Variants in HMGCS2 observed in about 807,000 individuals in gnomAD.
The protein encoded by HMGCS2 is hydroxymethylglutaryl-CoA synthase, mitochondrial.
A neutral mutation model predicts 57.4 loss-of-function variants in HMGCS2; 50 were observed. The ratio of observed to expected loss-of-function variants is 0.87; its 90% CI spans 0.69 to 1.10. The LOEUF (loss-of-function observed/expected upper bound fraction) is 1.10. HMGCS2 is among the 50% of genes least tolerant of loss of function. The pLI, the probability that HMGCS2 is intolerant of heterozygous loss-of-function variation, is 0.00. For synonymous variants in HMGCS2, 254 were observed against 245.1 expected (o/e 1.04, Z -0.34); for missense variants, 627 against 636.5 (o/e 0.99, Z 0.16).
chr1:119,760,246 A>T (rs912498186), intron 2 of HMGCS2, among the ~76,000 whole-genome samples: 8 of 152,196 alleles, frequency 5.3e-5, no homozygotes, highest in African/African-American at 1.9e-4. Context: ...AAAATGTGTT[A>T]ATTCGCACTT....
intron 5 of HMGCS2, among the ~76,000 whole-genome samples, chr1:119,756,161 C>T (rs775517853): frequency 6.6e-6 from 1 of 152,132 alleles, no homozygotes; most frequent in Non-Finnish European, 1.5e-5. Context: ...CCACTACTGC[C>T]CATTTTCCCA....
intron 8 of HMGCS2, among the ~76,000 whole-genome samples, chr1:119,751,545 A>G (rs1187937068): frequency 2.7e-5 from 4 of 150,564 alleles, no homozygotes; most frequent in Non-Finnish European, 5.9e-5. Context: ...ACATAATTTT[A>G]TTTTTTTTAT....
At chr1:119,752,338 G>A (rs1161095390) in intron 8 of HMGCS2, among the ~76,000 whole-genome samples, 2 of 152,118 alleles carry the variant, frequency 1.3e-5, no homozygotes, top group African/African-American at 2.4e-5. Context: ...CTGGGAAGCT[G>A]CATCCTGCCT....
At chr1:119,750,484 T>C (rs995004300) in intron 9 of HMGCS2, among the ~76,000 whole-genome samples, 1 of 152,214 alleles carries the variant, frequency 6.6e-6, no homozygotes, top group African/African-American at 2.4e-5. Flanking sequence ...CCCCCAGCTT[T>C]TGCCTTTCCA....
At chr1:119,759,832 G>A in intron 3 of HMGCS2, 32 bp downstream of exon 3, 2 of 1,613,040 alleles carry the variant, frequency 1.2e-6, no homozygotes, top group Non-Finnish European at 8.5e-7. Context: ...GCTATGCCAT[G>A]CACAGCCTCT....
At chr1:119,760,972 C>T (rs868681881) in intron 2 of HMGCS2, among the ~76,000 whole-genome samples, 1 of 151,976 alleles carries the variant, frequency 6.6e-6, no homozygotes, top group Non-Finnish European at 1.5e-5. Context: ...AGGACTCCAA[C>T]CCAAATTCAC....
chr1:119,767,788 C>T (rs1653284474), intron 1 of HMGCS2, among the ~76,000 whole-genome samples: 1 of 152,180 alleles, frequency 6.6e-6, no homozygotes, highest in African/African-American at 2.4e-5. Flanking sequence ...AAGAAACCCA[C>T]ATCAATCTCT....
intron 4 of HMGCS2, 76 bp from the exon 5 acceptor site, chr1:119,757,514 G>T (rs1309118313): frequency 3.1e-6 from 5 of 1,605,898 alleles, no homozygotes; most frequent in Non-Finnish European, 4.3e-6. Flanking sequence ...AGATTTAACT[G>T]TGCCGAGTTT....
intron 1 of HMGCS2, among the ~76,000 whole-genome samples, chr1:119,768,535 G>T (rs779900752): frequency 2.0e-5 from 3 of 152,162 alleles, no homozygotes; most frequent in Non-Finnish European, 4.4e-5. Flanking sequence ...ATGTGTCAGA[G>T]GTTTGGGCTC....
At chr1:119,759,840 TC>T in intron 3 of HMGCS2, 23 bp downstream of exon 3, 2 of 1,613,718 alleles carry the variant, frequency 1.2e-6, no homozygotes, top group Non-Finnish European at 1.7e-6. Flanking sequence ...ATGCACAGCC[TC>T]TTGGTAATGG....
chr1:119,751,019 C>G, intron 8 of HMGCS2, 111 bp from the exon 9 acceptor site: 1 of 722,782 alleles, frequency 1.4e-6, no homozygotes, highest in Non-Finnish European at 2.5e-6. Context: ...CTTGGCTGGG[C>G]TGTAAGGGGC....
intron 4 of HMGCS2, 57 bp downstream of exon 4, chr1:119,759,061 A>G: frequency 6.4e-7 from 1 of 1,558,156 alleles, no homozygotes; most frequent in Non-Finnish European, 8.9e-7. Context: ...GCCTTTGGGT[A>G]CAAACCCTTG....
In HMGCS2 at chr1:119,764,459, G is replaced by C. The variant is rs587697520; in HGVS notation, c.272C>G (p.Thr91Ser). The C allele has an allele frequency of 2.5e-6, 4 of 1,613,192 alleles. No individual in the cohort carries two copies. The highest frequency in any genetic ancestry group is 3.4e-6 in the Non-Finnish European group (4 of 1,179,190). ...AGKYTVGLGQ[T>S]RMGFCSVQED... is the part of the protein sequence containing the mutation. The stretch of plus-strand genomic sequence containing the variant: ...TTGGACTGAGCAGAAGCCCATACGG[G>C]TCTGGCCCAAGCCCACTGTATACTT... The change falls in exon 2 of 10, where the codon ACC (threonine) becomes AGC (serine). Residue 91 changes from threonine (T) to serine (S), a missense_variant. Coordinates refer to ENST00000369406, the MANE Select transcript of HMGCS2 (RefSeq NM_005518.4).
At chr1:119,764,742 A>T in intron 1 of HMGCS2, 116 bp from the exon 2 acceptor site, 1 of 793,202 alleles carries the variant, frequency 1.3e-6, no homozygotes, top group Middle Eastern at 3.4e-4. Flanking sequence ...ATGTTATCAG[A>T]TGACTACAAA....
chr1:119,767,779 A>G (rs1158100448), intron 1 of HMGCS2, among the ~76,000 whole-genome samples: 1 of 152,240 alleles, frequency 6.6e-6, no homozygotes, highest in East Asian at 1.9e-4. Flanking sequence ...TATTAAAACA[A>G]GAAACCCACA....
rs112856146 is a variant in HMGCS2, at chr1:119,753,278, A to T, written c.1294+2T>A. The stretch of plus-strand genomic sequence containing the variant: ...AAGGCCTACTAGAAAGATGACACTC[A>T]CCTGGAGCAGCATCCTGGGATACTC... On this transcript the variant is annotated splice_donor_variant, in intron 7 of 9. Coordinates refer to ENST00000369406, the MANE Select transcript of HMGCS2 (RefSeq NM_005518.4). LOFTEE classifies it high-confidence loss of function. The T allele has an allele frequency of 6.3e-7, 1 of 1,592,962 alleles. No homozygotes were observed. The highest frequency in any genetic ancestry group is 2.2e-5 in the East Asian group (1 of 44,784).
rs368658900 is a variant in HMGCS2 at position 119,756,354 on chromosome 1, T to C, written c.1017-757A>G. On this transcript the variant is annotated intron_variant, in intron 5 of 9. Coordinates refer to ENST00000369406, the MANE Select transcript of HMGCS2 (RefSeq NM_005518.4). ...TCTATTAGGGTATTTATTTTATTAT[T>C]GATAATATCTTTATATATTAAAGAT... 7.2e-5 allele frequency among the ~76,000 whole-genome samples: 11 copies of C among 152,302 alleles called. No individual in the cohort carries two copies. In the South Asian group the frequency reaches 2.3e-3, roughly 32 times the overall value.
chr1:119,759,764 G>A (rs998872727), intron 3 of HMGCS2, 100 bp downstream of exon 3: 20 of 1,426,146 alleles, frequency 1.4e-5, no homozygotes, highest in East Asian at 4.6e-5. Flanking sequence ...ATCCTCAAAC[G>A]CATACCTCAG....
At chr1:119,753,946 G>GT (rs1303136744) in intron 6 of HMGCS2, among the ~76,000 whole-genome samples, 1 of 151,522 alleles carries the variant, frequency 6.6e-6, no homozygotes, top group Non-Finnish European at 1.5e-5. Context: ...ATGCAGTGGC[G>GT]TGATCATGGC....
Sources: gnomAD v4.1 joint callset for allele counts (sites outside exome capture counted in the v4.1 genomes callset) on GRCh38, gnomAD v4.1.1 for gene constraint, MANE v1.5 for transcripts, NCBI Gene and HGNC (gene_info 2026-07-23, HGNC 2026-07-21) for gene names.